WDFY4: variants seen among roughly 807,000 people sequenced by gnomAD.
The protein encoded by WDFY4 is WD repeat- and FYVE domain-containing protein 4.
A neutral mutation model predicts 351.9 loss-of-function variants in WDFY4; 169 were observed. The observed-to-expected ratio is 0.48, with a 90% CI of 0.42 to 0.55. The LOEUF (loss-of-function observed/expected upper bound fraction) is 0.55. Among genes scored for constraint, WDFY4 ranks in the 20% least tolerant of loss-of-function variants. The probability of loss-of-function intolerance (pLI) is 0.00; values close to 1 mark genes in which losing one functional copy is unlikely to be tolerated. For missense variants in WDFY4, 3,803 were observed against 3,935.6 expected (o/e 0.97, Z 0.90); for synonymous variants, 1,622 against 1,574.6 (o/e 1.03, Z -0.71).
intron 44 of WDFY4, among the ~76,000 whole-genome samples, chr10:48,894,715 C>A (rs965609339): frequency 2.0e-5 from 3 of 152,180 alleles, no homozygotes; most frequent in Non-Finnish European, 4.4e-5. Flanking sequence ...GCCAGACCTG[C>A]AGCTAAGGTA....
intron 23 of WDFY4, 32 bp from the exon 24 acceptor site, chr10:48,796,266 A>G: frequency 1.3e-6 from 2 of 1,541,144 alleles, no homozygotes; most frequent in South Asian, 1.2e-5. Context: ...TGATGCATTC[A>G]TGAGGAAACT....
intron 57 of WDFY4, 84 bp downstream of exon 57, chr10:48,970,373 T>C (rs1483310238): frequency 6.7e-7 from 1 of 1,485,506 alleles, no homozygotes; most frequent in African/African-American, 1.4e-5. Flanking sequence ...GCATGGCACC[T>C]GGGCAGGTGT....
At chr10:48,974,516 A>AACAAAAAAACAAAAC (rs1554824247) in intron 57 of WDFY4, among the ~76,000 whole-genome samples, 6 of 16,354 alleles carry the variant, frequency 3.7e-4, no homozygotes, top group Admixed American at 1.3e-3. Flanking sequence ...AAAAAAAAAA[A>AACAAAAAAACAAAAC]AAAAAAAAAA....
intron 24 of WDFY4, among the ~76,000 whole-genome samples, chr10:48,798,429 A>G (rs1362149607): frequency 2.0e-5 from 3 of 152,302 alleles, no homozygotes; most frequent in South Asian, 4.1e-4. Context: ...CAAATAAATA[A>G]TATTAGGAAG....
At chr10:48,697,377 C>T (rs1565101372) in intron 1 of WDFY4, among the ~76,000 whole-genome samples, 1 of 152,230 alleles carries the variant, frequency 6.6e-6, no homozygotes, top group African/African-American at 2.4e-5. Flanking sequence ...CTGGCCTCAC[C>T]TGGGGACGTG....
At chr10:48,912,314 T>C (rs1056042560) in intron 47 of WDFY4, among the ~76,000 whole-genome samples, 2 of 152,190 alleles carry the variant, frequency 1.3e-5, no homozygotes, top group African/African-American at 4.8e-5. Flanking sequence ...TGCTGCCTGT[T>C]TTAGAGGCAC....
At chr10:48,737,696 A>C (rs1187655038) in intron 11 of WDFY4, among the ~76,000 whole-genome samples, 2 of 152,242 alleles carry the variant, frequency 1.3e-5, no homozygotes, top group Non-Finnish European at 1.5e-5. Flanking sequence ...TTTGTACGAA[A>C]CAAAAAAAGG....
intron 24 of WDFY4, 88 bp downstream of exon 24, chr10:48,796,538 C>A: frequency 1.4e-6 from 2 of 1,459,802 alleles, no homozygotes; most frequent in South Asian, 2.7e-5. Flanking sequence ...CCTAGCATGT[C>A]AGCTTCCCTC....
intron 43 of WDFY4, among the ~76,000 whole-genome samples, chr10:48,888,734 C>T: frequency 6.6e-6 from 1 of 152,238 alleles, no homozygotes; most frequent in Non-Finnish European, 1.5e-5. Context: ...GTCCCCGTTC[C>T]TTGAAATGTT....
rs1183209163 is a variant in WDFY4 at position 48,890,579 on chromosome 10, G to A, written c.7168G>A (p.Val2390Met). The change falls in exon 44 of 62, where the codon GTG (valine) becomes ATG (methionine). Residue 2390 changes from valine to methionine, a missense_variant and splice_region_variant. Around this residue, in one of 3 missense-constraint regions of WDFY4, gnomAD observed 3,054 missense variants for 3,148.6 expected, o/e 0.97. Coordinates refer to ENST00000325239, the MANE Select transcript of WDFY4 (RefSeq NM_001394531.1). ...ILQELLDKEK[V>M]TQKFSLVIVQ... ...TGACTCTGCCACTCTCTCCTTCCAG[G>A]TGACGCAGAAGTTCTCCCTGGTGAT... is the stretch of plus-strand genomic sequence containing the variant. 6.4e-7 allele frequency: 1 copy of A among 1,551,714 alleles called. No individual in the cohort carries two copies. The highest frequency in any genetic ancestry group is 2.4e-5 in the East Asian group (1 of 40,922).
chr10:48,976,776 A>C, intron 58 of WDFY4, 21 bp from the exon 59 acceptor site: 2 of 1,353,852 alleles, frequency 1.5e-6, no homozygotes, highest in Non-Finnish European at 1.9e-6. Context: ...GCTTAGAGTG[A>C]TGCCAGCTCT....
At chr10:48,872,159 G>A (rs1035393750) in intron 40 of WDFY4, among the ~76,000 whole-genome samples, 1 of 152,230 alleles carries the variant, frequency 6.6e-6, no homozygotes, top group Non-Finnish European at 1.5e-5. Context: ...TCATGGGAAT[G>A]CCTCTGGCAA....
At chr10:48,861,328 T>C (rs1378063411) in intron 39 of WDFY4, among the ~76,000 whole-genome samples, 3 of 152,216 alleles carry the variant, frequency 2.0e-5, no homozygotes, top group Non-Finnish European at 4.4e-5. Flanking sequence ...CCTTCTTTTA[T>C]CATTTACCTT....
At chr10:48,744,781 G>T (rs2064960210) in intron 12 of WDFY4, among the ~76,000 whole-genome samples, 1 of 151,240 alleles carries the variant, frequency 6.6e-6, no homozygotes, top group South Asian at 2.1e-4. Flanking sequence ...ATTATTCTTG[G>T]TTTGTTATTT....
At chr10:48,733,498 A>C (rs373007523) in intron 9 of WDFY4, among the ~76,000 whole-genome samples, 35 of 152,188 alleles carry the variant, frequency 2.3e-4, no homozygotes, top group African/African-American at 8.2e-4. Context: ...ATCCCTCCCA[A>C]GGATGCATGG....
chr10:48,780,388 T>C (rs2066180340), intron 19 of WDFY4, among the ~76,000 whole-genome samples: 1 of 152,226 alleles, frequency 6.6e-6, no homozygotes, highest in South Asian at 2.1e-4. Flanking sequence ...ATAGTCATGT[T>C]CATGAAAATA....
rs58660119 is a variant in WDFY4, at chr10:48,804,562, CAAAAA to C, written c.4485-682_4485-678del. 7.7e-3 allele frequency among the ~76,000 whole-genome samples: 780 copies of C among 101,656 alleles called. 4 individuals are homozygous for C. The highest frequency in any genetic ancestry group is 0.022 in the African/African-American group (707 of 31,444). 66.7% of individuals were successfully genotyped at this position (101,656 alleles called of 152,430 possible). A position where few individuals can be genotyped will look rare whatever the true frequency, so the allele number is the denominator to read the frequency against. ...CTCAGCAGAATTTAATGTGTTAATA[CAAAAA>C]AAAAAAAAAAAAAAAGACAGTTCAA... On this transcript the variant is annotated intron_variant, in intron 25 of 61. Coordinates refer to ENST00000325239, the MANE Select transcript of WDFY4 (RefSeq NM_001394531.1).
At chr10:48,869,270 T>A (rs1310834181) in intron 40 of WDFY4, among the ~76,000 whole-genome samples, 1 of 152,116 alleles carries the variant, frequency 6.6e-6, no homozygotes, top group Non-Finnish European at 1.5e-5. Context: ...ATCTGCCACG[T>A]CCTTTGAGAC....
intron 1 of WDFY4, among the ~76,000 whole-genome samples, chr10:48,697,337 G>A (rs77585900): frequency 0.052 from 7,875 of 152,282 alleles, 220 homozygotes; most frequent in Middle Eastern, 0.095. Flanking sequence ...AGAGCTCTGG[G>A]GGTCTTAGCC....
Sources: gnomAD v4.1 joint callset for allele counts (sites outside exome capture counted in the v4.1 genomes callset) on GRCh38, gnomAD v4.1.1 for gene constraint, gnomAD v4.1.1 regional missense constraint, MANE v1.5 for transcripts, NCBI Gene and HGNC (gene_info 2026-07-23, HGNC 2026-07-21) for gene names.